Variants in MTMR9 observed in about 807,000 individuals in gnomAD.
The protein encoded by MTMR9 is myotubularin related protein 9.
Under a neutral mutation model 69.5 loss-of-function variants are expected in MTMR9, and 39 were observed. The ratio of observed to expected loss-of-function variants is 0.56; its 90% CI spans 0.43 to 0.73. MTMR9 has a LOEUF of 0.73. Ranked by LOEUF, MTMR9 falls within the 30% of genes least tolerant of loss-of-function variation. The probability of loss-of-function intolerance (pLI) is 0.00; values close to 1 mark genes in which losing one functional copy is unlikely to be tolerated. For missense variants in MTMR9, 900 were observed against 671.2 expected, an observed-to-expected ratio of 1.34 and a Z score of -3.77; for synonymous variants, 354 against 240.8, an observed-to-expected ratio of 1.47 and a Z score of -4.35.
chr8:11,306,473 C>CACT, intron 5 of MTMR9, 66 bp downstream of exon 5: 1 of 1,416,650 alleles, frequency 7.1e-7, no homozygotes, highest in Non-Finnish European at 9.8e-7. Context: ...AGGCCTTAGC[C>CACT]ATTTGAAAAT....
intron 3 of MTMR9, chr8:11,300,886 TG>T (rs958905221): frequency 2.0e-5 from 3 of 152,228 alleles, no homozygotes; most frequent in African/African-American, 7.2e-5. Flanking sequence ...TTCAGGTTAG[TG>T]GTTGGCTGAC....
chr8:11,311,881 CTT>C (rs35158873), intron 6 of MTMR9, among the ~76,000 whole-genome samples: 31 of 144,898 alleles, frequency 2.1e-4, no homozygotes, highest in African/African-American at 3.6e-4. Context: ...TATTCTAAAT[CTT>C]TTTTTTTTTT....
chr8:11,287,797 ACATAT>A (rs1563262713), intron 1 of MTMR9, among the ~76,000 whole-genome samples: 2 of 22,614 alleles, frequency 8.8e-5, no homozygotes. Flanking sequence ...TATATATAAT[ACATAT>A]TATATAATAC....
rs1343202214 is a variant in MTMR9 at position 11,284,854 on chromosome 8, C to A, written c.-35C>A. The stretch of plus-strand genomic sequence containing the variant: ...GGCGGGGTAACCGCCTCGCACCTAC[C>A]GGGCTCGGTTCCCTGGCTCCGGCCG... On this transcript the variant is annotated 5_prime_UTR_variant, in exon 1 of 10. Coordinates refer to ENST00000221086, the MANE Select transcript of MTMR9 (RefSeq NM_015458.4). The A allele has an allele frequency of 6.4e-7, 1 of 1,558,274 alleles. No individual in the cohort carries two copies. Among genetic ancestry groups the A allele is most frequent in the Non-Finnish European group, 8.7e-7 (1 of 1,153,384 alleles).
At chr8:11,295,863 G>A (rs1799538067) in intron 2 of MTMR9, among the ~76,000 whole-genome samples, 1 of 152,220 alleles carries the variant, frequency 6.6e-6, no homozygotes, top group South Asian at 2.1e-4. Context: ...GGGACTGGGG[G>A]GACCTAGAAG....
At chr8:11,328,679 T>C (rs1011746621), downstream of MTMR9, among the ~76,000 whole-genome samples, 12 of 152,140 alleles carry the variant, frequency 7.9e-5, no homozygotes, top group African/African-American at 2.9e-4. Flanking sequence ...CAGGTGAAAA[T>C]TTGTGAAGAA....
In MTMR9 at chr8:11,327,872, T is replaced by TA. The variant is rs1801013650; in HGVS notation, c.*5084_*5085insA. ...AAAAAAAAAGCAGAACTTTTGTAAG[T>TA]CTGTGTAACATTTTAATATTGTTTG... is the stretch of plus-strand genomic sequence containing the variant. On this transcript the variant is annotated 3_prime_UTR_variant, in exon 10 of 10. Coordinates refer to ENST00000221086, the MANE Select transcript of MTMR9 (RefSeq NM_015458.4). 4 of 152,580 alleles carry TA rather than the reference T, an allele frequency of 2.6e-5. No individual in the cohort carries two copies. The highest frequency in any genetic ancestry group is 9.7e-5 in the African/African-American group (4 of 41,434). The allele number at this position is 152,580 out of a possible 1,614,324, so 9.5% of individuals were successfully genotyped here.
downstream of MTMR9, chr8:11,331,496 T>C (rs768508019): frequency 6.2e-6 from 10 of 1,613,936 alleles, 1 homozygote; most frequent in South Asian, 1.1e-4. Flanking sequence ...CTGGCAACGC[T>C]GCCACTGTTC....
chr8:11,330,166 C>G (rs13250270), downstream of MTMR9, among the ~76,000 whole-genome samples: 1 of 149,260 alleles, frequency 6.7e-6, no homozygotes, highest in African/African-American at 2.4e-5. Context: ...GATCAGCCCC[C>G]GCCCGGCCAG....
downstream of MTMR9, chr8:11,331,603 T>C: frequency 6.2e-7 from 1 of 1,613,458 alleles, no homozygotes; most frequent in Non-Finnish European, 8.5e-7. Flanking sequence ...TTGGGCAGCA[T>C]CCTAGGACTA....
intron 1 of MTMR9, among the ~76,000 whole-genome samples, chr8:11,293,583 C>T (rs961972196): frequency 6.6e-6 from 1 of 152,032 alleles, no homozygotes; most frequent in Admixed American, 6.5e-5. Flanking sequence ...TCAGTTTGTT[C>T]TTTTATAGAT....
chr8:11,332,543 C>G (rs55762109), downstream of MTMR9, among the ~76,000 whole-genome samples: 10 of 150,926 alleles, frequency 6.6e-5, no homozygotes, highest in Non-Finnish European at 1.3e-4. Flanking sequence ...CTGAAACGTG[C>G]GACAACTGAG....
intron 3 of MTMR9, among the ~76,000 whole-genome samples, chr8:11,303,197 C>G (rs916089149): frequency 6.8e-6 from 1 of 147,094 alleles, no homozygotes; most frequent in East Asian, 2.0e-4. Context: ...TACTAGATAC[C>G]AAACTTATTT....
At chr8:11,322,122 A>G (rs1206716521) in intron 9 of MTMR9, among the ~76,000 whole-genome samples, 1 of 152,240 alleles carries the variant, frequency 6.6e-6, no homozygotes, top group Non-Finnish European at 1.5e-5. Context: ...GGAGAGAGGC[A>G]TGTAAGCACG....
intron 9 of MTMR9, 36 bp downstream of exon 9, chr8:11,319,874 C>T (rs1408555777): frequency 5.6e-6 from 9 of 1,609,782 alleles, no homozygotes; most frequent in African/African-American, 5.3e-5. Flanking sequence ...TCTTAACGGT[C>T]AGGTGTGCAT....
chr8:11,337,563 C>G, the MTMR9 span, among the ~76,000 whole-genome samples: 3 of 152,146 alleles, frequency 2.0e-5, no homozygotes, highest in African/African-American at 7.2e-5. Flanking sequence ...ATGAAGTGGT[C>G]CGGTGTGATA....
intron 1 of MTMR9, among the ~76,000 whole-genome samples, chr8:11,292,847 A>G (rs1187548680): frequency 6.6e-6 from 1 of 152,202 alleles, no homozygotes; most frequent in Non-Finnish European, 1.5e-5. Flanking sequence ...AGTATAAACA[A>G]CAAACCTGGG....
downstream of MTMR9, chr8:11,332,210 ATAAT>A (rs1004128385): frequency 2.7e-6 from 4 of 1,497,818 alleles, no homozygotes; most frequent in Admixed American, 4.9e-5. Flanking sequence ...AAGAAAAAAA[ATAAT>A]TATAATAAAT....
Position 11,284,879 on chromosome 8 carries a change from G to GT in MTMR9, c.-10_-9insT, listed in dbSNP as rs770876282. On this transcript the variant is annotated 5_prime_UTR_variant, in exon 1 of 10. Coordinates refer to ENST00000221086, the MANE Select transcript of MTMR9 (RefSeq NM_015458.4). ...CGGGCTCGGTTCCCTGGCTCCGGCC[G>GT]CGGGGGAGCATGGAGTTTGCGGAGC... 6.7e-7 allele frequency: 1 copy of GT among 1,491,660 alleles called. No homozygotes were observed. Among genetic ancestry groups the GT allele is most frequent in the African/African-American group, 2.3e-5 (1 of 43,330 alleles). The allele number at this position is 1,491,660 out of a possible 1,614,324, so 92.4% of individuals were successfully genotyped here.
Sources: gnomAD v4.1 joint callset for allele counts (sites outside exome capture counted in the v4.1 genomes callset) on GRCh38, gnomAD v4.1.1 for gene constraint, MANE v1.5 for transcripts, NCBI Gene and HGNC (gene_info 2026-07-23, HGNC 2026-07-21) for gene names.